Variants in EVC observed in about 807,000 individuals in gnomAD.
EVC encodes the protein evC complex member EVC.
A neutral mutation model predicts 118.9 loss-of-function variants in EVC; 116 were observed. The observed-to-expected ratio is 0.98, with a 90% CI of 0.84 to 1.14. The LOEUF (loss-of-function observed/expected upper bound fraction) is 1.14. EVC is among the 50% of genes most tolerant of loss of function. The pLI is 0.00. For missense variants in EVC, 1,401 were observed against 1,246.4 expected (o/e 1.12, Z -1.87); for synonymous variants, 619 against 534.7 (o/e 1.16, Z -2.18).
At chr4:5,793,988 T>A (rs1014066770) in intron 13 of EVC, among the ~76,000 whole-genome samples, 4 of 152,102 alleles carry the variant, frequency 2.6e-5, no homozygotes, top group African/African-American at 9.6e-5. Context: ...ATTCAGTGAT[T>A]GTTAGTAAAT....
rs78370166 is a variant in EVC, at chr4:5,742,367, G to A, written c.801+553G>A. 0.058 allele frequency among the ~76,000 whole-genome samples: 8,789 copies of A among 152,194 alleles called. 372 individuals carry two copies. Among genetic ancestry groups the A allele is most frequent in the African/African-American group, 0.12 (4,918 of 41,506 alleles). On this transcript the variant is annotated intron_variant, in intron 6 of 20. Transcript: ENST00000264956. This position sits in a 1 kb window ranked among gnomAD's most constrained non-coding sequence, Gnocchi z 5.2. ...ACACCTAGCAATGTCATAGTTGGCT[G>A]TGAATATGTGATGGCTGCTGTCATC...
chr4:5,783,887 G>A, intron 12 of EVC, 123 bp downstream of exon 12: 2 of 918,438 alleles, frequency 2.2e-6, no homozygotes, highest in South Asian at 1.5e-5. Flanking sequence ...GGAGATGACT[G>A]TTGCCTCCCT....
intron 1 of EVC, 83 bp downstream of exon 1, chr4:5,711,637 C>T (rs1028035483): frequency 4.7e-5 from 49 of 1,041,090 alleles, no homozygotes; most frequent in Non-Finnish European, 5.7e-5. Flanking sequence ...AGCCCCGGCT[C>T]TGCGACTCCT....
chr4:5,747,126 C>T (rs547550606), intron 7 of EVC, among the ~76,000 whole-genome samples: 3 of 152,122 alleles, frequency 2.0e-5, no homozygotes, highest in Middle Eastern at 3.4e-3. Context: ...GCAATGGGGC[C>T]CTGAGATGGG....
At chr4:5,815,749 C>T (rs1414265466), downstream of EVC, among the ~76,000 whole-genome samples, 3 of 152,184 alleles carry the variant, frequency 2.0e-5, no homozygotes, top group Non-Finnish European at 4.4e-5. Flanking sequence ...ACAGAGTGTG[C>T]AGTTCGGTGC....
chr4:5,712,307 CAG>C (rs773365645), intron 1 of EVC, among the ~76,000 whole-genome samples: 1 of 152,180 alleles, frequency 6.6e-6, no homozygotes, highest in Non-Finnish European at 1.5e-5. Context: ...AACTGAGGCA[CAG>C]AGAGGTTAAG....
At chr4:5,825,150 C>A in the EVC span, 3 of 985,286 alleles carry the variant, frequency 3.0e-6, no homozygotes, top group African/African-American at 5.2e-5. This position sits in a 1 kb window ranked among gnomAD's most constrained non-coding sequence, Gnocchi z 4.4. Context: ...CTACTCCCAT[C>A]TCTTGTTCAT....
the EVC span, among the ~76,000 whole-genome samples, chr4:5,827,744 C>G: frequency 1.2e-4 from 18 of 148,072 alleles, no homozygotes; most frequent in Non-Finnish European, 2.5e-4. Context: ...CACACACACA[C>G]ACACACACAC....
chr4:5,733,557 G>A, intron 5 of EVC, 122 bp downstream of exon 5: 1 of 894,268 alleles, frequency 1.1e-6, no homozygotes, highest in Non-Finnish European at 1.8e-6. Context: ...CAGAGCCGCT[G>A]TGAGGTGGGG....
chr4:5,716,785 T>C (rs998760935), intron 1 of EVC, among the ~76,000 whole-genome samples: 2 of 152,168 alleles, frequency 1.3e-5, no homozygotes, highest in African/African-American at 4.8e-5. Context: ...GGGCAAGGGA[T>C]TTGCAGGCCC....
intron 12 of EVC, among the ~76,000 whole-genome samples, chr4:5,790,821 T>A (rs1327761168): frequency 6.6e-6 from 1 of 151,808 alleles, no homozygotes; most frequent in Non-Finnish European, 1.5e-5. Flanking sequence ...AGGCTGGGAG[T>A]GGTAGCTCAT....
chr4:5,767,721 C>T (rs1031388803), intron 11 of EVC, among the ~76,000 whole-genome samples: 15 of 152,194 alleles, frequency 9.9e-5, no homozygotes, highest in Non-Finnish European at 5.9e-5. Context: ...TGACCCCTTG[C>T]GCTTCCCAAG....
chr4:5,736,620 T>C (rs1577378891), intron 5 of EVC, among the ~76,000 whole-genome samples: 1 of 152,186 alleles, frequency 6.6e-6, no homozygotes, highest in African/African-American at 2.4e-5. Context: ...TGTGTGACAT[T>C]TTGGTAATTC....
chr4:5,767,534 G>A (rs1733115028), intron 11 of EVC, among the ~76,000 whole-genome samples: 1 of 151,250 alleles, frequency 6.6e-6, no homozygotes, highest in Non-Finnish European at 1.5e-5. Context: ...TCAGACTGCT[G>A]TGCTAGCAAT....
intron 2 of EVC, among the ~76,000 whole-genome samples, chr4:5,721,993 A>G (rs568374409): frequency 1.3e-5 from 2 of 152,340 alleles, no homozygotes; most frequent in South Asian, 2.1e-4. Context: ...CTGTTAAACA[A>G]TGCTGCTCAC....
intron 2 of EVC, among the ~76,000 whole-genome samples, chr4:5,728,180 C>T (rs1011680855): frequency 3.7e-4 from 56 of 152,258 alleles, no homozygotes; most frequent in African/African-American, 1.3e-3. Flanking sequence ...GCCATTTTCA[C>T]GATACTGATT....
intron 14 of EVC, 159 bp downstream of exon 14, chr4:5,797,391 C>T (rs1310264765): frequency 1.5e-6 from 1 of 682,468 alleles, no homozygotes; most frequent in East Asian, 2.7e-5. Context: ...GTCCCACAGA[C>T]CGGGCAGCTT....
At chr4:5,711,774 A>G (rs1212708140) in intron 1 of EVC, among the ~76,000 whole-genome samples, 1 of 151,890 alleles carries the variant, frequency 6.6e-6, no homozygotes, top group Middle Eastern at 3.2e-3. Flanking sequence ...GTTACATCCC[A>G]CTCCGTTGGG....
At chr4:5,821,909 C>T in the EVC span, 1 of 1,317,312 alleles carries the variant, frequency 7.6e-7, no homozygotes, top group Admixed American at 2.1e-5. This position sits in a 1 kb window ranked among gnomAD's most constrained non-coding sequence, Gnocchi z 4.4. Flanking sequence ...TTCCACGCTG[C>T]TCCTGGAGGC....
Sources: allele counts gnomAD v4.1 joint callset (sites outside exome capture counted in the v4.1 genomes callset), GRCh38; gene constraint gnomAD v4.1.1; non-coding constraint Gnocchi (gnomAD v3.1); transcripts MANE v1.5; gene names NCBI Gene and HGNC (gene_info 2026-07-23, HGNC 2026-07-21).